The following RNLS variants were observed in gnomAD, a reference collection of about 807,000 sequenced individuals.
RNLS encodes renalase.
RNLS carries 39 observed loss-of-function variants against 39.8 expected under a neutral mutation model. The ratio of observed to expected loss-of-function variants is 0.98; its 90% CI spans 0.76 to 1.28. RNLS has a LOEUF of 1.28. Among genes scored for constraint, RNLS ranks in the 50% most tolerant of loss-of-function variants. The pLI is 0.00. For missense variants in RNLS, 410 were observed against 413.3 expected (o/e 0.99, Z 0.07); for synonymous variants, 147 against 150.7 (o/e 0.98, Z 0.18).
In RNLS at chr10:88,362,582, C is replaced by G; in HGVS notation, c.670G>C (p.Val224Leu). The G allele has an allele frequency of 3.7e-6, 6 of 1,613,694 alleles. No homozygotes were observed. The highest frequency in any genetic ancestry group is 5.1e-6 in the Non-Finnish European group (6 of 1,179,804). The change falls in exon 5 of 7, where the codon GTC (valine) becomes CTC (leucine). Residue 224 changes from valine to leucine, a missense_variant. Val to Leu is a conservative substitution (Grantham distance 32). Coordinates refer to ENST00000331772, the MANE Select transcript of RNLS (RefSeq NM_001031709.3). The part of the protein sequence containing the change: ...YITSNPCIRF[V>L]SIDNKKRNIE... Reference sequence around the variant, plus strand: ...TTGCGCTTCTTATTATCAATGGAGACGAAGCGTATGCAGGGATTACTGGTG... The same window carrying G: ...TTGCGCTTCTTATTATCAATGGAGAGGAAGCGTATGCAGGGATTACTGGTG...
chr10:88,583,078 T>A lies in RNLS; in HGVS notation c.113A>T (p.Asp38Val). The A allele has an allele frequency of 6.2e-7, 1 of 1,611,772 alleles. No individual in the cohort carries two copies. Among genetic ancestry groups the A allele is most frequent in the Non-Finnish European group, 8.5e-7 (1 of 1,178,672 alleles). ...LYLAVWDKAE[D>V]SGGRMTTACS... ...TTGGCGTTTAGACAACCCACCTGAG[T>A]CCTCAGCCTTGTCCCACACAGCAAG... is the stretch of plus-strand genomic sequence containing the variant. The change falls in exon 1 of 7, where the codon GAC becomes GTC. Residue 38 changes from aspartate (D) to valine (V), a missense_variant. By Grantham distance (152) the Asp-to-Val change is radical. Coordinates refer to ENST00000331772, the MANE Select transcript of RNLS (RefSeq NM_001031709.3).
At chr10:88,426,317 C>G (rs1854753489) in intron 4 of RNLS, among the ~76,000 whole-genome samples, 1 of 151,992 alleles carries the variant, frequency 6.6e-6, no homozygotes, top group Non-Finnish European at 1.5e-5. Context: ...TAGTGGGAAA[C>G]ACAGAATAGA....
chr10:88,424,389 G>A (rs538674815), intron 4 of RNLS, among the ~76,000 whole-genome samples: 2 of 152,270 alleles, frequency 1.3e-5, no homozygotes, highest in African/African-American at 4.8e-5. Context: ...GGAATGGTAA[G>A]AAAAGGTGTT....
At chr10:88,553,734 A>C (rs1216030713) in intron 4 of RNLS, among the ~76,000 whole-genome samples, 1 of 152,138 alleles carries the variant, frequency 6.6e-6, no homozygotes, top group African/African-American at 2.4e-5. Context: ...ACATTGTACC[A>C]CATAGAAGCC....
intron 4 of RNLS, among the ~76,000 whole-genome samples, chr10:88,486,565 T>C (rs1231529937): frequency 6.6e-6 from 1 of 151,990 alleles, no homozygotes; most frequent in Non-Finnish European, 1.5e-5. Flanking sequence ...AAACAGATAC[T>C]TTTCAAAAGA....
chr10:88,437,866 C>A (rs1841496947), intron 4 of RNLS, among the ~76,000 whole-genome samples: 2 of 152,022 alleles, frequency 1.3e-5, no homozygotes, highest in Admixed American at 1.3e-4. Context: ...GTGGCTCATG[C>A]CTGTAATCTC....
chr10:88,497,843 T>C (rs189866505), intron 4 of RNLS, among the ~76,000 whole-genome samples: 261 of 151,898 alleles, frequency 1.7e-3, no homozygotes, highest in African/African-American at 5.5e-3. Context: ...TCTCTGAATA[T>C]ACCATAAAAA....
the RNLS span, among the ~76,000 whole-genome samples, chr10:88,236,079 G>A: frequency 6.6e-6 from 1 of 152,136 alleles, no homozygotes; most frequent in Non-Finnish European, 1.5e-5. Context: ...CTGAACCCCT[G>A]CACTATGTTA....
At chr10:88,259,009 G>A in the RNLS span, 1 of 152,186 alleles carries the variant, frequency 6.6e-6, no homozygotes, top group Non-Finnish European at 1.5e-5. Flanking sequence ...CACTTTGTGT[G>A]GAGACTTAAA....
At chr10:88,575,735 T>C (rs944310020) in intron 3 of RNLS, among the ~76,000 whole-genome samples, 6 of 152,298 alleles carry the variant, frequency 3.9e-5, no homozygotes, top group African/African-American at 1.4e-4. Context: ...TCAAGAGTTA[T>C]GTCTGAGCTT....
intron 4 of RNLS, among the ~76,000 whole-genome samples, chr10:88,430,539 G>C (rs577923557): frequency 5.3e-5 from 8 of 151,894 alleles, no homozygotes; most frequent in Admixed American, 1.3e-4. Flanking sequence ...AACAAAAGTA[G>C]TAACAGCAGC....
the RNLS span, among the ~76,000 whole-genome samples, chr10:88,220,767 G>A: frequency 6.6e-6 from 1 of 152,164 alleles, no homozygotes; most frequent in African/African-American, 2.4e-5. Flanking sequence ...ACCTGACCAT[G>A]TGTTGAGCAC....
chr10:88,320,450 T>C (rs1448096679), intron 5 of RNLS, among the ~76,000 whole-genome samples: 2 of 149,296 alleles, frequency 1.3e-5, no homozygotes, highest in Non-Finnish European at 1.5e-5. Flanking sequence ...ATATCAATAT[T>C]AACCTTGAAC....
intron 4 of RNLS, among the ~76,000 whole-genome samples, chr10:88,411,148 C>G (rs1783955089): frequency 6.6e-6 from 1 of 152,102 alleles, no homozygotes; most frequent in Non-Finnish European, 1.5e-5. Flanking sequence ...AGTCAATTAG[C>G]CAACCCCATG....
rs971691988 is a variant in RNLS, at chr10:88,572,909, T to C, written c.520A>G (p.Thr174Ala). 4.3e-6 allele frequency: 7 copies of C among 1,613,592 alleles called. No individual in the cohort carries two copies. Among genetic ancestry groups the C allele is most frequent in the Non-Finnish European group, 5.9e-6 (7 of 1,179,684 alleles). ...PEILQLQGDI[T>A]TLISECQRQQ... ...ATGGCAAAAGCAGACTCACAGGTGG[T>C]GATGTCACCTTGAAGCTGCAGAATC... Residue 174 changes from threonine (T) to alanine (A), a missense_variant, in exon 4 of 7, where the codon ACC (threonine) becomes GCC (alanine). Physicochemically the swap from Thr to Ala is moderately conservative, Grantham distance 58. Transcript: ENST00000331772.
At chr10:88,248,377 G>A in the RNLS span, among the ~76,000 whole-genome samples, 1 of 152,172 alleles carries the variant, frequency 6.6e-6, no homozygotes, top group African/African-American at 2.4e-5. Context: ...ATCAGGAAAG[G>A]CATTTGTTGT....
intron 4 of RNLS, among the ~76,000 whole-genome samples, chr10:88,373,334 A>C (rs566492762): frequency 2.0e-4 from 30 of 152,258 alleles, no homozygotes; most frequent in African/African-American, 7.0e-4. Context: ...AAGCTCTAGG[A>C]CACTAAACAA....
At chr10:88,356,219 C>G (rs1043500240) in intron 5 of RNLS, among the ~76,000 whole-genome samples, 1 of 152,172 alleles carries the variant, frequency 6.6e-6, no homozygotes, top group Non-Finnish European at 1.5e-5. Flanking sequence ...CCTGCACCCA[C>G]CATTCTGCAC....
At chr10:88,361,467 G>A (rs915302538) in intron 5 of RNLS, among the ~76,000 whole-genome samples, 3 of 152,086 alleles carry the variant, frequency 2.0e-5, no homozygotes, top group Admixed American at 2.0e-4. Context: ...AAAGATCAAG[G>A]GTTAGTCTCC....
Sources: allele counts gnomAD v4.1 joint callset (sites outside exome capture counted in the v4.1 genomes callset), GRCh38; gene constraint gnomAD v4.1.1; transcripts MANE v1.5; gene names NCBI Gene and HGNC (gene_info 2026-07-23, HGNC 2026-07-21).